The following MGST3 variants were observed in gnomAD, a reference collection of about 807,000 sequenced individuals.
The protein encoded by MGST3 is glutathione S-transferase 3, mitochondrial.
Under a neutral mutation model 15.8 loss-of-function variants are expected in MGST3, and 13 were observed. That is an observed-to-expected ratio of 0.82 (90% CI 0.54 to 1.31). The LOEUF (loss-of-function observed/expected upper bound fraction) is 1.31, where lower values mean the gene tolerates loss of function less well. Among genes scored for constraint, MGST3 ranks in the 50% most tolerant of loss-of-function variants. The pLI, the probability that MGST3 is intolerant of heterozygous loss-of-function variation, is 0.00. For missense variants in MGST3, 155 were observed against 192.4 expected (o/e 0.81, Z 1.15); for synonymous variants, 49 against 68.1 (o/e 0.72, Z 1.38).
At position 165,652,006 on chromosome 1, in the gene MGST3, T is replaced by A; in HGVS notation, c.220T>A (p.Phe74Ile). The stretch of plus-strand genomic sequence containing the variant: ...GGAAGTGTATCCTCCCTTCTTATTT[T>A]TTCTAGCTGTTGGAGGTGTTTACCA... The part of the protein sequence containing the change: ...TLEVYPPFLF[F>I]LAVGGVYHPR... The change falls in exon 4 of 6, where the codon TTT becomes ATT. Residue 74 changes from phenylalanine to isoleucine, a missense_variant. Physicochemically the swap from Phe to Ile is conservative, Grantham distance 21 (BLOSUM62 0). Coordinates refer to ENST00000367889, the MANE Select transcript of MGST3 (RefSeq NM_004528.4). The A allele has an allele frequency of 1.2e-6, 2 of 1,614,050 alleles. No individual in the cohort carries two copies. The highest frequency in any genetic ancestry group is 1.7e-6 in the Non-Finnish European group (2 of 1,179,914).
chr1:165,636,618 T>A (rs1165132645), intron 1 of MGST3, among the ~76,000 whole-genome samples: 1 of 152,000 alleles, frequency 6.6e-6, no homozygotes, highest in African/African-American at 2.4e-5. Flanking sequence ...ACACCTGTAG[T>A]CCCAGCTACT....
chr1:165,650,086 A>G, intron 2 of MGST3, 122 bp downstream of exon 2: 1 of 1,448,612 alleles, frequency 6.9e-7, no homozygotes, highest in Non-Finnish European at 9.5e-7. Flanking sequence ...TGGCAGTTTC[A>G]GGACTGTGTT....
intron 1 of MGST3, chr1:165,647,897 T>C (rs1055993218): frequency 3.9e-5 from 6 of 152,144 alleles, no homozygotes; most frequent in African/African-American, 1.4e-4. Flanking sequence ...TGGCCTCAAG[T>C]GTTCCTTCCA....
intron 1 of MGST3, among the ~76,000 whole-genome samples, chr1:165,635,555 C>T (rs9333398): frequency 6.0e-4 from 92 of 152,272 alleles, no homozygotes; most frequent in African/African-American, 1.6e-3. Flanking sequence ...TTCCCTCCCC[C>T]ACTCCCAGCC....
At chr1:165,643,638 G>A (rs1648316103) in intron 1 of MGST3, among the ~76,000 whole-genome samples, 1 of 151,766 alleles carries the variant, frequency 6.6e-6, no homozygotes, top group Non-Finnish European at 1.5e-5. Context: ...GGCTGAGGCA[G>A]CCGTATCAGT....
At chr1:165,637,188 A>G (rs1425419456) in intron 1 of MGST3, 1 of 137,114 alleles carries the variant, frequency 7.3e-6, no homozygotes, top group Non-Finnish European at 1.6e-5. Flanking sequence ...CCATCCCTGG[A>G]CACATTAAAA....
At chr1:165,650,559 CTTCT>C (rs1648523467) in intron 2 of MGST3, 1 of 183,358 alleles carries the variant, frequency 5.5e-6, no homozygotes, top group African/African-American at 2.4e-5. Flanking sequence ...TATTTAGTTT[CTTCT>C]TTTTTTTCCC....
intron 2 of MGST3, 49 bp downstream of exon 2, chr1:165,650,013 C>T (rs766300273): frequency 6.2e-7 from 1 of 1,611,290 alleles, no homozygotes; most frequent in South Asian, 1.1e-5. Context: ...CTGGGGGCCA[C>T]AGGCTTAGCC....
At chr1:165,644,149 A>G (rs1648333395) in intron 1 of MGST3, among the ~76,000 whole-genome samples, 1 of 152,144 alleles carries the variant, frequency 6.6e-6, no homozygotes, top group South Asian at 2.1e-4. Flanking sequence ...AAAACTAGGT[A>G]CTTTTAACTA....
chr1:165,641,187 C>CA (rs9333423), intron 1 of MGST3, among the ~76,000 whole-genome samples: 51,238 of 151,632 alleles, frequency 0.34, 9,943 homozygotes, highest in East Asian at 0.79. Flanking sequence ...TGTCTCAAAA[C>CA]AAAAAAAGAG....
rs751324490 is a variant in MGST3, at chr1:165,649,888, C to A, written c.41C>A (p.Thr14Asn). 1.2e-6 allele frequency: 2 copies of A among 1,614,094 alleles called. No individual in the cohort carries two copies. Among genetic ancestry groups the A allele is most frequent in the South Asian group, 1.1e-5 (1 of 91,096 alleles). Residue 14 changes from threonine (T) to asparagine (N), a missense_variant, in exon 2 of 6, where the codon ACT becomes AAT. Thr to Asn is a moderately conservative substitution (Grantham distance 65). Transcript: ENST00000367889. ...LSKEYGFVLL[T>N]GAASFIMVAH... ...AAGGAATATGGTTTTGTGCTTCTAA[C>A]TGGTGCTGCCAGCTTTATAATGGTG...
At chr1:165,642,771 A>G (rs1648293922) in intron 1 of MGST3, among the ~76,000 whole-genome samples, 1 of 152,206 alleles carries the variant, frequency 6.6e-6, no homozygotes, top group South Asian at 2.1e-4. Flanking sequence ...TAATATTCCC[A>G]AGGACACTCA....
chr1:165,641,154 G>T (rs1441510132), intron 1 of MGST3, among the ~76,000 whole-genome samples: 2 of 151,702 alleles, frequency 1.3e-5, no homozygotes, highest in African/African-American at 4.8e-5. Flanking sequence ...CTTCACTCTA[G>T]CCTGGGGGGA....
chr1:165,642,945 C>T (rs556370549), intron 1 of MGST3, among the ~76,000 whole-genome samples: 1 of 152,288 alleles, frequency 6.6e-6, no homozygotes, highest in East Asian at 1.9e-4. Context: ...CTGCCTGTTC[C>T]TCTGTCTTCT....
chr1:165,648,266 G>A lies in MGST3; in HGVS notation c.-7-1575G>A, dbSNP rs113111709. 4.1e-3 allele frequency among the ~76,000 whole-genome samples: 629 copies of A among 152,348 alleles called. 4 individuals are homozygous for A. The highest frequency in any genetic ancestry group is 0.027 in the Middle Eastern group (8 of 294). On this transcript the variant is annotated intron_variant, in intron 1 of 5. Coordinates refer to ENST00000367889, the MANE Select transcript of MGST3 (RefSeq NM_004528.4). ...GCCCCCCAGCCCCCGGAGGGGCAGC[G>A]GGCATGCCTCAGAGAGCAGCTCAGA...
At chr1:165,644,467 C>T (rs1014716159) in intron 1 of MGST3, among the ~76,000 whole-genome samples, 4 of 152,150 alleles carry the variant, frequency 2.6e-5, no homozygotes, top group Non-Finnish European at 4.4e-5. Flanking sequence ...GTAGAAGGCA[C>T]TTACCATGAA....
chr1:165,647,257 T>C (rs142482343), intron 1 of MGST3: 2 of 152,370 alleles, frequency 1.3e-5, no homozygotes, highest in African/African-American at 4.8e-5. Context: ...GTAGTAAATA[T>C]TAATTTGTAA....
intron 1 of MGST3, among the ~76,000 whole-genome samples, chr1:165,644,197 G>A (rs1648334344): frequency 1.3e-5 from 2 of 152,170 alleles, no homozygotes; most frequent in African/African-American, 4.8e-5. Flanking sequence ...TATGTTCTGA[G>A]AAATGTGTTA....
intron 1 of MGST3, among the ~76,000 whole-genome samples, chr1:165,643,613 C>T (rs1299749870): frequency 1.3e-5 from 2 of 150,888 alleles, no homozygotes. Flanking sequence ...CACCTGTAAT[C>T]CCAGTACTTT....
Sources: gnomAD v4.1 joint callset for allele counts (sites outside exome capture counted in the v4.1 genomes callset) on GRCh38, gnomAD v4.1.1 for gene constraint, MANE v1.5 for transcripts, NCBI Gene and HGNC (gene_info 2026-07-23, HGNC 2026-07-21) for gene names.